Variants in ANKFN1 observed in about 807,000 individuals in gnomAD.
ANKFN1 encodes the protein ankyrin repeat and fibronectin type-III domain-containing protein 1.
Under a neutral mutation model 108.7 loss-of-function variants are expected in ANKFN1, and 74 were observed. The ratio of observed to expected loss-of-function variants is 0.68; its 90% confidence interval spans 0.56 to 0.83. The LOEUF is 0.83. Ranked by LOEUF, ANKFN1 falls within the 40% of genes least tolerant of loss-of-function variation. The probability of loss-of-function intolerance (pLI) is 0.00; values close to 1 mark genes in which losing one functional copy is unlikely to be tolerated. For synonymous variants in ANKFN1, 547 were observed against 516.2 expected (o/e 1.06, Z -0.81); for missense variants, 1,505 against 1,382.3 (o/e 1.09, Z -1.41).
intron 5 of ANKFN1, 28 bp from the exon 6 acceptor site, chr17:56,353,808 G>C (rs2046307629): frequency 5.6e-6 from 9 of 1,606,726 alleles, no homozygotes; most frequent in Middle Eastern, 1.7e-4. Flanking sequence ...TTAAGAAATT[G>C]TGCTGATCTA....
intron 3 of ANKFN1, among the ~76,000 whole-genome samples, chr17:56,232,316 A>T (rs550359396): frequency 1.3e-5 from 2 of 152,260 alleles, no homozygotes; most frequent in African/African-American, 4.8e-5. Context: ...AGCTTCTAGA[A>T]AAAAACAAAA....
intron 14 of ANKFN1, 32 bp from the exon 15 acceptor site, chr17:56,466,324 C>G: frequency 1.3e-6 from 2 of 1,569,292 alleles, no homozygotes; most frequent in Non-Finnish European, 1.8e-6. Flanking sequence ...GCATAATACC[C>G]TCTATGCTAC....
rs568394249 is a variant in ANKFN1, at chr17:56,326,468, C to T, written c.188+113C>T. ...GGCTTAAATGATACTTAAAAATCTG[C>T]ATCTTCCAAAGTTAGCTGCAGGTGG... is the stretch of plus-strand genomic sequence containing the variant. On this transcript the variant is annotated intron_variant, in intron 4 of 20. Coordinates refer to ENST00000682825, the MANE Select transcript of ANKFN1 (RefSeq NM_001370326.1). The T allele has an allele frequency of 2.0e-5, 27 of 1,360,730 alleles. No homozygotes were observed. In the African/African-American group the frequency reaches 2.7e-4, roughly 13 times the overall value. 84.3% of individuals were successfully genotyped at this position (1,360,730 alleles called of 1,614,324 possible).
At chr17:56,058,530 C>T (rs990518864) in intron 4 of ANKFN1, among the ~76,000 whole-genome samples, 9 of 146,790 alleles carry the variant, frequency 6.1e-5, no homozygotes, top group African/African-American at 2.5e-4. Flanking sequence ...CATAAATAAA[C>T]TTGTGCCATG....
intron 4 of ANKFN1, among the ~76,000 whole-genome samples, chr17:56,107,596 C>A (rs147676602): frequency 6.6e-6 from 1 of 152,090 alleles, no homozygotes. Context: ...CCAAAGAGCC[C>A]GCTAGTGTTC....
chr17:56,142,534 C>G (rs1210831182), intron 4 of ANKFN1, among the ~76,000 whole-genome samples: 1 of 152,188 alleles, frequency 6.6e-6, no homozygotes, highest in Non-Finnish European at 1.5e-5. Flanking sequence ...AGGGCTAACT[C>G]ACCTCAAACA....
chr17:56,080,623 T>C (rs940247500), intron 4 of ANKFN1, among the ~76,000 whole-genome samples: 1 of 152,216 alleles, frequency 6.6e-6, no homozygotes, highest in African/African-American at 2.4e-5. Flanking sequence ...TTGATGCTAT[T>C]GTTTCTACAC....
At chr17:56,473,400 C>A (rs2050387046) in intron 15 of ANKFN1, 1 of 152,140 alleles carries the variant, frequency 6.6e-6, no homozygotes, top group African/African-American at 2.4e-5. Flanking sequence ...CAGTGGCTCA[C>A]ACCTATAATC....
intron 11 of ANKFN1, among the ~76,000 whole-genome samples, chr17:56,453,844 T>C (rs530289679): frequency 9.4e-4 from 143 of 152,264 alleles, no homozygotes; most frequent in Non-Finnish European, 1.8e-3. Context: ...TTTCCAGCTT[T>C]CAGGACTAAG....
At chr17:56,434,813 G>A (rs1187008914) in intron 8 of ANKFN1, among the ~76,000 whole-genome samples, 1 of 151,862 alleles carries the variant, frequency 6.6e-6, no homozygotes, top group Non-Finnish European at 1.5e-5. Context: ...CTTGTGCTAT[G>A]GTTGGCCTGA....
At chr17:56,170,115 C>T (rs1910516703) in intron 1 of ANKFN1, among the ~76,000 whole-genome samples, 1 of 152,164 alleles carries the variant, frequency 6.6e-6, no homozygotes. Flanking sequence ...TTCTTTGCTC[C>T]ATCTTGAAAA....
rs142714595 is a variant in ANKFN1 at position 56,313,947 on chromosome 17, C to T, written c.54-12274C>T. On this transcript the variant is annotated intron_variant, in intron 3 of 20. Transcript: ENST00000682825. ...CAAATATCCCACCAACCCAGTACAA[C>T]CTAGGCAGCCAGTGTTTTGATTTCT... 1.8e-3 allele frequency among the ~76,000 whole-genome samples: 276 copies of T among 152,322 alleles called. 1 individual carries two copies. Among genetic ancestry groups the T allele is most frequent in the African/African-American group, 6.4e-3 (265 of 41,566 alleles).
chr17:56,494,013 G>A (rs1006832389), intron 19 of ANKFN1, among the ~76,000 whole-genome samples: 3 of 152,038 alleles, frequency 2.0e-5, no homozygotes, highest in African/African-American at 7.2e-5. Flanking sequence ...TAAAACACTC[G>A]GCAAAATGCC....
chr17:56,452,735 G>A (rs537452196), intron 11 of ANKFN1, among the ~76,000 whole-genome samples: 2 of 152,238 alleles, frequency 1.3e-5, no homozygotes, highest in Non-Finnish European at 2.9e-5. Context: ...CCAACTGGTA[G>A]CAGTACTTCT....
rs745690398 is a variant in ANKFN1, at chr17:56,357,934, C to T, written c.601+3888C>T. ...TCTTCATCTTTATCAATAAAGAAAT[C>T]GGAATTTTAAAGGTCAAATAGTTAT... On this transcript the variant is annotated intron_variant, in intron 6 of 20. Coordinates refer to ENST00000682825, the MANE Select transcript of ANKFN1 (RefSeq NM_001370326.1). Among the ~76,000 whole-genome samples, 11 of 152,062 alleles carry T rather than the reference C, an allele frequency of 7.2e-5. No homozygotes were observed. In the East Asian group the frequency reaches 9.6e-4, roughly 13 times the overall value.
At chr17:56,353,066 C>T (rs1447969085) in intron 5 of ANKFN1, among the ~76,000 whole-genome samples, 1 of 152,084 alleles carries the variant, frequency 6.6e-6, no homozygotes, top group East Asian at 1.9e-4. Context: ...AAACTGTATT[C>T]TGTAGAACAC....
At chr17:56,129,375 A>G (rs574387579) in intron 4 of ANKFN1, among the ~76,000 whole-genome samples, 31 of 152,238 alleles carry the variant, frequency 2.0e-4, no homozygotes, top group African/African-American at 7.5e-4. Flanking sequence ...CTTTTGGAGG[A>G]TGCATTAAGT....
intron 4 of ANKFN1, among the ~76,000 whole-genome samples, chr17:56,052,395 G>A (rs1186256117): frequency 6.6e-6 from 1 of 152,132 alleles, no homozygotes; most frequent in East Asian, 1.9e-4. Context: ...AGGAAGCCTA[G>A]GATGGACAGA....
At chr17:56,500,341 A>G (rs948162555) in intron 20 of ANKFN1, among the ~76,000 whole-genome samples, 1 of 152,206 alleles carries the variant, frequency 6.6e-6, no homozygotes, top group Non-Finnish European at 1.5e-5. Flanking sequence ...TGGCAAGTGG[A>G]AGAACTTAGG....
Sources: allele counts gnomAD v4.1 joint callset (sites outside exome capture counted in the v4.1 genomes callset), GRCh38; gene constraint gnomAD v4.1.1; transcripts MANE v1.5; gene names NCBI Gene and HGNC (gene_info 2026-07-23, HGNC 2026-07-21).